Variants in NUCKS1 observed in about 807,000 individuals in gnomAD.
NUCKS1 encodes nuclear casein kinase and cyclin dependent kinase substrate 1.
Under a neutral mutation model 33.0 loss-of-function variants are expected in NUCKS1, and 2 were observed. That is an observed-to-expected ratio of 0.06 (90% CI 0.02 to 0.19). The LOEUF (loss-of-function observed/expected upper bound fraction) is 0.19, where lower values mean the gene tolerates loss of function less well. Ranked by LOEUF, NUCKS1 falls within the 10% of genes least tolerant of loss-of-function variation. The pLI is 1.00. For missense variants in NUCKS1, 201 were observed against 293.6 expected, an observed-to-expected ratio of 0.68 and a Z score of 2.31; for synonymous variants, 106 against 102.8, an observed-to-expected ratio of 1.03 and a Z score of -0.19.
At chr1:205,728,046 A>G (rs189656263) in intron 2 of NUCKS1, among the ~76,000 whole-genome samples, 1 of 151,616 alleles carries the variant, frequency 6.6e-6, no homozygotes, top group Admixed American at 6.6e-5. Context: ...CTATAGCTAA[A>G]CCTCTCTCAT....
At chr1:205,746,246 G>A (rs1255527008) in intron 1 of NUCKS1, among the ~76,000 whole-genome samples, 1 of 152,100 alleles carries the variant, frequency 6.6e-6, no homozygotes, top group Non-Finnish European at 1.5e-5. Context: ...AATGAGCCGA[G>A]ATTGCACCAT....
Position 205,716,368 on chromosome 1 carries a change from A to G in NUCKS1, c.*1912T>C, listed in dbSNP as rs182236160. The G allele has an allele frequency of 1.3e-5, 2 of 152,348 alleles. No homozygotes were observed. The highest frequency in any genetic ancestry group is 2.4e-5 in the African/African-American group (1 of 41,578). 9.4% of individuals were successfully genotyped at this position (152,348 alleles called of 1,614,324 possible). On this transcript the variant is annotated 3_prime_UTR_variant, in exon 7 of 7. Coordinates refer to ENST00000367142, the MANE Select transcript of NUCKS1 (RefSeq NM_022731.5). Reference sequence around the variant, plus strand: ...TGGAAACACTGATAGGTCTTTTACTATATGAACACAAACTTCTTTGTTAAA... The same window carrying G: ...TGGAAACACTGATAGGTCTTTTACTGTATGAACACAAACTTCTTTGTTAAA...
chr1:205,746,815 A>G (rs2102451519), intron 1 of NUCKS1, among the ~76,000 whole-genome samples: 1 of 152,362 alleles, frequency 6.6e-6, no homozygotes, highest in Admixed American at 6.5e-5. Context: ...TAAATTTTCA[A>G]TGGTAAGGTT....
At chr1:205,726,147 T>C (rs1235767961) in intron 3 of NUCKS1, among the ~76,000 whole-genome samples, 1 of 152,142 alleles carries the variant, frequency 6.6e-6, no homozygotes, top group Non-Finnish European at 1.5e-5. Flanking sequence ...TGCAGTGAGC[T>C]GAGACCATAC....
intron 1 of NUCKS1, among the ~76,000 whole-genome samples, chr1:205,746,443 TCTCTCTCTCTCACACACACACACA>T (rs1654330579): frequency 1.4e-5 from 1 of 70,172 alleles, no homozygotes; most frequent in African/African-American, 5.4e-5. Context: ...CACTTCTCTC[TCTCTCTCTCTCACACACACACACA>T]CACACACACA....
rs1558055242 is a variant in NUCKS1 at position 205,740,005 on chromosome 1, T to TTTTG, written c.17+9951_17+9952insCAAA. ...CCTGCTATTTACTTTAGGTTTTTTTTTTTTTTTTTTTTTGAGAGACAGTGT... is the reference window on the plus strand; with the variant it reads ...CCTGCTATTTACTTTAGGTTTTTTTTTTTGTTTTTTTTTTTTTGAGAGACAGTGT... On this transcript the variant is annotated intron_variant, in intron 1 of 6. Coordinates refer to ENST00000367142, the MANE Select transcript of NUCKS1 (RefSeq NM_022731.5). Among the ~76,000 whole-genome samples the TTTTG allele has an allele frequency of 2.2e-5, 3 of 138,682 alleles. 1 individual carries two copies. In the East Asian group the frequency reaches 6.3e-4, roughly 29 times the overall value. The allele number at this position is 138,682 out of a possible 152,430, so 91.0% of individuals were successfully genotyped here. A position where few individuals can be genotyped will look rare whatever the true frequency, so the allele number is the denominator to read the frequency against.
chr1:205,731,506 T>A (rs1250114237), intron 1 of NUCKS1, among the ~76,000 whole-genome samples: 3 of 152,194 alleles, frequency 2.0e-5, no homozygotes, highest in Non-Finnish European at 4.4e-5. Context: ...AGCTTCCATG[T>A]TAGTACCCAA....
chr1:205,746,449 TCTCTCACACACACACACA>T (rs1654333564), intron 1 of NUCKS1, among the ~76,000 whole-genome samples: 1 of 108,050 alleles, frequency 9.3e-6, no homozygotes, highest in East Asian at 4.0e-4. Context: ...TCTCTCTCTC[TCTCTCACACACACACACA>T]CACACACACA....
In NUCKS1 at chr1:205,723,979, T is replaced by C; in HGVS notation, c.176A>G (p.Glu59Gly). 6.2e-7 allele frequency: 1 copy of C among 1,611,840 alleles called. No individual in the cohort carries two copies. Among genetic ancestry groups the C allele is most frequent in the Non-Finnish European group, 8.5e-7 (1 of 1,178,126 alleles). The change falls in exon 4 of 7, where the codon GAG (glutamate) becomes GGG (glycine). Residue 59 changes from glutamate (E) to glycine (G), a missense_variant and splice_region_variant. Glu to Gly is a moderately conservative substitution (Grantham distance 98, BLOSUM62 -2). Coordinates refer to ENST00000367142, the MANE Select transcript of NUCKS1 (RefSeq NM_022731.5). ...CTTCACATCTTTGTCTTCTGAGTCC[T>C]CACTATAAAGGGAGGCAAAAAAGCA... Reference protein sequence around the residue: ...RSGKNSQEDSEDSEDKDVKTK... With the variant: ...RSGKNSQEDSGDSEDKDVKTK...
Position 205,717,202 on chromosome 1 carries a change from A to G in NUCKS1, c.*1078T>C, listed in dbSNP as rs1470614500. 8.2e-6 allele frequency: 4 copies of G among 486,552 alleles called. No individual in the cohort carries two copies. The highest frequency in any genetic ancestry group is 1.1e-5 in the Non-Finnish European group (4 of 372,958). The allele number at this position is 486,552 out of a possible 1,614,324, so 30.1% of individuals were successfully genotyped here. A position where few individuals can be genotyped will look rare whatever the true frequency, so the allele number is the denominator to read the frequency against. On this transcript the variant is annotated 3_prime_UTR_variant, in exon 7 of 7. Coordinates refer to ENST00000367142, the MANE Select transcript of NUCKS1 (RefSeq NM_022731.5). ...TTCTATCCCCAAATAAAAGCAGAGC[A>G]TGGTTAATGGGACCTGAATGCACAT... is the stretch of plus-strand genomic sequence containing the variant.
chr1:205,729,097 T>C (rs1168728104), intron 2 of NUCKS1, among the ~76,000 whole-genome samples: 1 of 152,060 alleles, frequency 6.6e-6, no homozygotes, highest in African/African-American at 2.4e-5. Flanking sequence ...GCCTCCAGAG[T>C]AGCTGGGATT....
At chr1:205,728,605 T>C (rs1035155538) in intron 2 of NUCKS1, among the ~76,000 whole-genome samples, 3 of 152,186 alleles carry the variant, frequency 2.0e-5, no homozygotes, top group Non-Finnish European at 1.5e-5. Flanking sequence ...ACATATTATT[T>C]TTTTTCTCTT....
intron 1 of NUCKS1, among the ~76,000 whole-genome samples, chr1:205,731,725 A>C (rs1024080144): frequency 2.0e-5 from 3 of 152,178 alleles, no homozygotes; most frequent in East Asian, 3.9e-4. Context: ...CCCCGTCTCC[A>C]CTAAAAATAC....
chr1:205,745,305 C>T (rs557313399), intron 1 of NUCKS1, among the ~76,000 whole-genome samples: 106 of 152,120 alleles, frequency 7.0e-4, no homozygotes, highest in African/African-American at 2.3e-3. Context: ...TCTCTCTCAG[C>T]CTGAGCAACA....
rs542619600 is a variant in NUCKS1 at position 205,742,828 on chromosome 1, GA to G, written c.17+7128del. On this transcript the variant is annotated intron_variant, in intron 1 of 6. Transcript: ENST00000367142. ...GGACAGAGCGAGACTCGGTCTCAAA[GA>G]AAAAAAAATAAATAAATAAACAAAC... Among the ~76,000 whole-genome samples the G allele has an allele frequency of 1.8e-3, 275 of 150,612 alleles. 1 individual carries two copies. Among genetic ancestry groups the G allele is most frequent in the African/African-American group, 6.2e-3 (255 of 41,070 alleles).
chr1:205,721,455 T>C (rs944393566), intron 4 of NUCKS1, among the ~76,000 whole-genome samples: 4 of 152,204 alleles, frequency 2.6e-5, no homozygotes, highest in African/African-American at 9.6e-5. Flanking sequence ...GTTACATCAT[T>C]GCTTTGCTCT....
chr1:205,726,325 G>A (rs554313347), intron 3 of NUCKS1, among the ~76,000 whole-genome samples: 1 of 152,280 alleles, frequency 6.6e-6, no homozygotes, highest in African/African-American at 2.4e-5. Flanking sequence ...AAACTAGCCT[G>A]GGCAACATGG....
At chr1:205,734,534 T>C (rs957813888) in intron 1 of NUCKS1, among the ~76,000 whole-genome samples, 2 of 152,020 alleles carry the variant, frequency 1.3e-5, no homozygotes, top group African/African-American at 4.8e-5. Context: ...AGGGAAAAGA[T>C]AAAATAAATA....
At chr1:205,732,895 T>C (rs957484793) in intron 1 of NUCKS1, among the ~76,000 whole-genome samples, 4 of 152,088 alleles carry the variant, frequency 2.6e-5, no homozygotes, top group Non-Finnish European at 5.9e-5. Context: ...ATTTTTGGGC[T>C]ACTATGGAAA....
Sources: gnomAD v4.1 joint callset for allele counts (sites outside exome capture counted in the v4.1 genomes callset) on GRCh38, gnomAD v4.1.1 for gene constraint, MANE v1.5 for transcripts, NCBI Gene and HGNC (gene_info 2026-07-23, HGNC 2026-07-21) for gene names.